GNB4: variants seen among roughly 807,000 people sequenced by gnomAD.
GNB4 encodes the protein guanine nucleotide-binding protein subunit beta-4.
In GNB4, 28 loss-of-function variants were observed where a neutral mutation model predicts 45.2. The observed-to-expected ratio is 0.62, with a 90% CI of 0.46 to 0.85. GNB4 has a LOEUF of 0.85. Among genes scored for constraint, GNB4 ranks in the 40% least tolerant of loss-of-function variants. The pLI is 0.00. For synonymous variants in GNB4, 132 were observed against 143.7 expected (o/e 0.92, Z 0.58); for missense variants, 321 against 425.4 (o/e 0.75, Z 2.16).
At chr3:179,501,103 G>A in the GNB4 span, among the ~76,000 whole-genome samples, 1 of 152,166 alleles carries the variant, frequency 6.6e-6, no homozygotes, top group African/African-American at 2.4e-5. Flanking sequence ...CTACAGGGAG[G>A]AGTAAAAAGC....
At chr3:179,458,998 A>C in the GNB4 span, among the ~76,000 whole-genome samples, 130,345 of 152,208 alleles carry the variant, frequency 0.86, 56,222 homozygotes, top group East Asian at 1. Context: ...TAGGAGACAG[A>C]ACTTCACATT....
the GNB4 span, among the ~76,000 whole-genome samples, chr3:179,459,408 C>T: frequency 1.3e-5 from 2 of 152,184 alleles, no homozygotes; most frequent in African/African-American, 4.8e-5. Flanking sequence ...TCCGGCCGGG[C>T]GCAGTGCCTC....
chr3:179,448,099 G>A lies in GNB4; in HGVS notation c.-43+3247C>T, dbSNP rs76260794. 9.0e-3 allele frequency among the ~76,000 whole-genome samples: 1,368 copies of A among 152,284 alleles called. 14 individuals are homozygous for A. The highest frequency in any genetic ancestry group is 0.031 in the African/African-American group (1,269 of 41,530). ...AGGAGGGATAATGTGTCTCTGAAGCGGGTTCAGAAGAAGATGGCAGATAAG... is the reference window on the plus strand; with the variant it reads ...AGGAGGGATAATGTGTCTCTGAAGCAGGTTCAGAAGAAGATGGCAGATAAG... On this transcript the variant is annotated intron_variant, in intron 1 of 9. Coordinates refer to ENST00000232564, the MANE Select transcript of GNB4 (RefSeq NM_021629.4).
At chr3:179,495,911 C>T in the GNB4 span, among the ~76,000 whole-genome samples, 13 of 152,136 alleles carry the variant, frequency 8.5e-5, no homozygotes, top group African/African-American at 2.7e-4. Flanking sequence ...AAAACAAAAG[C>T]TGAGGGAGCT....
At position 179,430,067 on chromosome 3, in the gene GNB4, GAGAGAGAC is replaced by G. The variant is rs1331341878; in HGVS notation, c.-42-3833_-42-3826del. On this transcript the variant is annotated intron_variant, in intron 1 of 9. Transcript: ENST00000232564. ...CTTCCTTGTGTGTGTGTGTGACTGAGAGAGAGACAGACAGACAGACAGACAGACAGACA... is the reference window on the plus strand; with the variant it reads ...CTTCCTTGTGTGTGTGTGTGACTGAGAGACAGACAGACAGACAGACAGACA... Among the ~76,000 whole-genome samples the G allele has an allele frequency of 2.9e-4, 27 of 94,626 alleles. 2 individuals carry two copies. Among genetic ancestry groups the G allele is most frequent in the African/African-American group, 3.3e-4 (9 of 27,084 alleles). 62.1% of individuals were successfully genotyped at this position (94,626 alleles called of 152,430 possible).
intron 1 of GNB4, among the ~76,000 whole-genome samples, chr3:179,445,062 G>A (rs1244438531): frequency 8.6e-5 from 13 of 151,776 alleles, no homozygotes. Context: ...TCCTATATAA[G>A]AGCCTAGCAA....
chr3:179,484,838 G>GTA, the GNB4 span, among the ~76,000 whole-genome samples: 2 of 140,548 alleles, frequency 1.4e-5, no homozygotes. Flanking sequence ...CTATATATAT[G>GTA]TGTGTGTGTG....
the GNB4 span, among the ~76,000 whole-genome samples, chr3:179,521,380 A>C: frequency 2.6e-5 from 4 of 152,184 alleles, no homozygotes; most frequent in African/African-American, 9.7e-5. Context: ...TTCTCTTCTC[A>C]GAATTCAGGC....
At chr3:179,443,204 A>G (rs1715637293) in intron 1 of GNB4, among the ~76,000 whole-genome samples, 1 of 152,194 alleles carries the variant, frequency 6.6e-6, no homozygotes, top group African/African-American at 2.4e-5. Flanking sequence ...AGTCACGGAA[A>G]AGTAGCTACA....
At chr3:179,443,228 A>G (rs776551406) in intron 1 of GNB4, among the ~76,000 whole-genome samples, 13 of 152,212 alleles carry the variant, frequency 8.5e-5, no homozygotes, top group Non-Finnish European at 1.9e-4. Context: ...TCTTATGTTC[A>G]CAGCTTTAAT....
the GNB4 span, among the ~76,000 whole-genome samples, chr3:179,494,889 C>T: frequency 2.9e-5 from 3 of 104,464 alleles, no homozygotes; most frequent in African/African-American, 1.1e-4. Flanking sequence ...GCCTGGGCAA[C>T]AGAGTGAGAC....
chr3:179,450,469 T>C (rs1485390364), intron 1 of GNB4, among the ~76,000 whole-genome samples: 1 of 152,180 alleles, frequency 6.6e-6, no homozygotes, highest in Admixed American at 6.5e-5. Context: ...AACAATTAAA[T>C]TTTGAACGTT....
the GNB4 span, among the ~76,000 whole-genome samples, chr3:179,507,856 T>C: frequency 6.6e-5 from 10 of 152,250 alleles, no homozygotes; most frequent in African/African-American, 2.4e-4. Context: ...TCACAGATCA[T>C]GTCTTGTTCA....
the GNB4 span, among the ~76,000 whole-genome samples, chr3:179,494,094 T>C: frequency 1.3e-5 from 2 of 152,128 alleles, no homozygotes; most frequent in Non-Finnish European, 2.9e-5. Flanking sequence ...TCACCAAAAC[T>C]ACCTTGGAGA....
chr3:179,429,935 C>T (rs1474919619), intron 1 of GNB4, among the ~76,000 whole-genome samples: 2 of 152,132 alleles, frequency 1.3e-5, no homozygotes, highest in Non-Finnish European at 2.9e-5. Flanking sequence ...CAGCAGATGA[C>T]CTTGCCATCT....
At chr3:179,408,490 A>G (rs1380432786) in intron 8 of GNB4, among the ~76,000 whole-genome samples, 2 of 151,432 alleles carry the variant, frequency 1.3e-5, no homozygotes, top group Non-Finnish European at 3.0e-5. Flanking sequence ...GAGGAGACAG[A>G]AAAAAAAATC....
At chr3:179,456,733 C>A in the GNB4 span, among the ~76,000 whole-genome samples, 1 of 152,152 alleles carries the variant, frequency 6.6e-6, no homozygotes. Flanking sequence ...ACCTCTCTTC[C>A]CTACCATGAC....
chr3:179,454,606 G>A (rs562642285), upstream of GNB4, among the ~76,000 whole-genome samples: 1 of 152,270 alleles, frequency 6.6e-6, no homozygotes, highest in Admixed American at 6.5e-5. Context: ...CCATAGGTTT[G>A]TATATCCTGC....
the GNB4 span, among the ~76,000 whole-genome samples, chr3:179,498,029 T>G: frequency 6.6e-6 from 1 of 152,200 alleles, no homozygotes; most frequent in Non-Finnish European, 1.5e-5. Context: ...GATCCAGCAG[T>G]CCCACTTCTG....
Sources: gnomAD v4.1 joint callset for allele counts (sites outside exome capture counted in the v4.1 genomes callset) on GRCh38, gnomAD v4.1.1 for gene constraint, MANE v1.5 for transcripts, NCBI Gene and HGNC (gene_info 2026-07-23, HGNC 2026-07-21) for gene names.